UNC13B: variants seen among roughly 807,000 people sequenced by gnomAD.
The protein encoded by UNC13B is protein unc-13 homolog B.
A neutral mutation model predicts 211.0 loss-of-function variants in UNC13B; 144 were observed. The observed-to-expected ratio is 0.68, with a 90% CI of 0.60 to 0.78. The LOEUF is 0.78. UNC13B is among the 30% of genes least tolerant of loss of function. UNC13B has a pLI of 0.00. For synonymous variants in UNC13B, 709 were observed against 725.8 expected, an observed-to-expected ratio of 0.98 and a Z score of 0.37; for missense variants, 1,777 against 2,002.0, an observed-to-expected ratio of 0.89 and a Z score of 2.14.
intron 1 of UNC13B, among the ~76,000 whole-genome samples, chr9:35,167,211 T>C (rs534191095): frequency 5.3e-5 from 8 of 152,080 alleles, no homozygotes; most frequent in Non-Finnish European, 1.0e-4. Context: ...GTAGCTGGGA[T>C]TACAGGCGCC....
chr9:35,170,362 C>T (rs1299234941), intron 1 of UNC13B, among the ~76,000 whole-genome samples: 1,067 of 149,824 alleles, frequency 7.1e-3, no homozygotes, highest in African/African-American at 0.026. Context: ...GATGGGGTTT[C>T]ACCATGTTGG....
chr9:35,215,976 A>G (rs1824226199), intron 1 of UNC13B, among the ~76,000 whole-genome samples: 1 of 152,220 alleles, frequency 6.6e-6, no homozygotes, highest in African/African-American at 2.4e-5. Context: ...TAAATAAAGG[A>G]CCAAAAGTCC....
At chr9:35,265,785 A>G (rs184109415) in intron 7 of UNC13B, among the ~76,000 whole-genome samples, 1 of 152,294 alleles carries the variant, frequency 6.6e-6, no homozygotes, top group East Asian at 1.9e-4. Context: ...AATTAAAAAC[A>G]AAGTTATTAT....
chr9:35,375,526 G>A (rs1318709965), intron 14 of UNC13B, among the ~76,000 whole-genome samples: 3 of 152,208 alleles, frequency 2.0e-5, no homozygotes, highest in African/African-American at 7.2e-5. Flanking sequence ...TCCAACCTGT[G>A]TTGGACAACC....
chr9:35,331,728 G>A (rs1256015658), intron 11 of UNC13B, among the ~76,000 whole-genome samples: 1 of 151,994 alleles, frequency 6.6e-6, no homozygotes, highest in Non-Finnish European at 1.5e-5. Flanking sequence ...CTTACTTTCT[G>A]TGCAGCATTC....
Position 35,366,987 on chromosome 9 carries a change from C to A in UNC13B, c.9455C>A (p.Pro3152Gln). 6.2e-7 allele frequency: 1 copy of A among 1,613,658 alleles called. No homozygotes were observed. Among genetic ancestry groups the A allele is most frequent in the Non-Finnish European group, 8.5e-7 (1 of 1,179,606 alleles). Residue 3152 changes from proline to glutamine, a missense_variant, in exon 12 of 40, where the codon CCG becomes CAG. Coordinates refer to ENST00000635942, the MANE Select transcript of UNC13B (RefSeq NM_001371189.2). The part of the protein sequence containing the change: ...DGDPSLPQWL[P>Q]EGPAGGLYGI... ...GACCCCTCTCTGCCTCAGTGGCTCC[C>A]GGAAGGGTAAGTAATTCACTGCAAG...
chr9:35,183,887 G>A (rs546694237), intron 1 of UNC13B, among the ~76,000 whole-genome samples: 1 of 149,048 alleles, frequency 6.7e-6, no homozygotes, highest in Non-Finnish European at 1.5e-5. Flanking sequence ...AGACGGGGTG[G>A]TGGCCGGGCA....
At chr9:35,308,816 A>G (rs559175060) in intron 9 of UNC13B, among the ~76,000 whole-genome samples, 19 of 152,290 alleles carry the variant, frequency 1.2e-4, no homozygotes, top group African/African-American at 4.3e-4. Flanking sequence ...AGGCACTTAT[A>G]TCTTGTAGGA....
intron 22 of UNC13B, chr9:35,385,080 G>T: frequency 1.0e-6 from 1 of 985,442 alleles, no homozygotes; most frequent in Non-Finnish European, 1.2e-6. Flanking sequence ...CCATTTGAAG[G>T]TTTAAAAACT....
At chr9:35,259,970 G>C (rs1431192632) in intron 7 of UNC13B, among the ~76,000 whole-genome samples, 1 of 140,264 alleles carries the variant, frequency 7.1e-6, no homozygotes, top group African/African-American at 2.7e-5. Context: ...GGAAGGCTGA[G>C]GCAGGAGGAT....
chr9:35,401,819 C>T, intron 37 of UNC13B: 1 of 805,166 alleles, frequency 1.2e-6, no homozygotes, highest in Non-Finnish European at 2.0e-6. Flanking sequence ...CTCCACTCTG[C>T]CCCACCTCTG....
At chr9:35,375,712 G>A (rs1735495366) in intron 14 of UNC13B, among the ~76,000 whole-genome samples, 2 of 152,216 alleles carry the variant, frequency 1.3e-5, no homozygotes, top group Admixed American at 6.5e-5. Context: ...CAGGCATGTT[G>A]GCTTATGCCT....
chr9:35,236,350 G>T (rs1232678078), intron 3 of UNC13B, 119 bp from the exon 4 acceptor site: 6 of 815,634 alleles, frequency 7.4e-6, no homozygotes, highest in Non-Finnish European at 9.6e-6. Flanking sequence ...GGGAAATTTT[G>T]ATTTTTCCTG....
chr9:35,196,057 A>G (rs1333582309), intron 1 of UNC13B, among the ~76,000 whole-genome samples: 1 of 149,922 alleles, frequency 6.7e-6, no homozygotes, highest in African/African-American at 2.5e-5. Context: ...TCTATCATTT[A>G]AAATGTTAAG....
chr9:35,252,719 A>G (rs1826577765), intron 6 of UNC13B, among the ~76,000 whole-genome samples: 1 of 152,096 alleles, frequency 6.6e-6, no homozygotes, highest in Non-Finnish European at 1.5e-5. Flanking sequence ...TCACGAGGTC[A>G]GGAGATCGAG....
chr9:35,397,409 T>C, intron 29 of UNC13B, 99 bp downstream of exon 29: 1 of 1,542,300 alleles, frequency 6.5e-7, no homozygotes, highest in South Asian at 1.2e-5. Flanking sequence ...GGCCTCCTGG[T>C]AAAGCTCGTG....
intron 1 of UNC13B, among the ~76,000 whole-genome samples, chr9:35,185,133 T>C (rs1162444669): frequency 6.6e-6 from 1 of 152,204 alleles, no homozygotes; most frequent in Admixed American, 6.5e-5. Context: ...ACTTTTGTTA[T>C]AGCAAGAAGG....
At chr9:35,257,522 A>G (rs993001950) in intron 6 of UNC13B, among the ~76,000 whole-genome samples, 6 of 132,812 alleles carry the variant, frequency 4.5e-5, no homozygotes, top group Admixed American at 1.8e-4. Flanking sequence ...CGAAGGTTGC[A>G]GTGAGCCGAA....
chr9:35,198,366 G>C (rs536195308), intron 1 of UNC13B, among the ~76,000 whole-genome samples: 1 of 152,318 alleles, frequency 6.6e-6, no homozygotes, highest in East Asian at 1.9e-4. Context: ...ATATGCGCCT[G>C]CTTCTCCTTG....
Sources: allele counts gnomAD v4.1 joint callset (sites outside exome capture counted in the v4.1 genomes callset), GRCh38; gene constraint gnomAD v4.1.1; transcripts MANE v1.5; gene names NCBI Gene and HGNC (gene_info 2026-07-23, HGNC 2026-07-21).